Variants in GABRG3 observed in about 807,000 individuals in gnomAD.
GABRG3 encodes the protein gamma-aminobutyric acid receptor subunit gamma-3.
GABRG3 carries 25 observed loss-of-function variants against 48.8 expected under a neutral mutation model. That is an observed-to-expected ratio of 0.51 (90% CI 0.37 to 0.72). GABRG3 has a LOEUF of 0.72. GABRG3 is among the 30% of genes least tolerant of loss of function. The pLI is 0.00. For missense variants in GABRG3, 394 were observed against 577.9 expected, an observed-to-expected ratio of 0.68 and a Z score of 3.26; for synonymous variants, 227 against 217.6, an observed-to-expected ratio of 1.04 and a Z score of -0.38.
At position 27,532,605 on chromosome 15, in the gene GABRG3, T is replaced by C. The variant is rs16950126; in HGVS notation, c.1128T>C (p.Tyr376=). The C allele has an allele frequency of 9.6e-3, 15,522 of 1,613,458 alleles. 1,180 individuals are homozygous for C. In the African/African-American group the frequency reaches 0.17, roughly 18 times the overall value. ...GTCATTTTTGTTGCTTGCAGAACTA[T>C]TCCCTCCTGGACATGAGGCCACCAC... is the stretch of plus-strand genomic sequence containing the variant. ...ERISLQAPSN[Y]SLLDMRPPPT... Residue 376 remains tyrosine, a synonymous_variant, in exon 10 of 10, where the codon TAT becomes TAC. Coordinates refer to ENST00000615808, the MANE Select transcript of GABRG3 (RefSeq NM_033223.5).
At chr15:27,465,590 G>T (rs8037954) in intron 5 of GABRG3, among the ~76,000 whole-genome samples, 2,518 of 152,260 alleles carry the variant, frequency 0.017, 80 homozygotes, top group African/African-American at 0.058. Context: ...GTGACCATAG[G>T]CAGATTCTTT....
rs1050440722 is a variant in GABRG3 at position 27,457,037 on chromosome 15, G to A, written c.575-23613G>A. Among the ~76,000 whole-genome samples the A allele has an allele frequency of 3.9e-5, 6 of 152,236 alleles. No homozygotes were observed. Among genetic ancestry groups the A allele is most frequent in the African/African-American group, 1.4e-4 (6 of 41,474 alleles). On this transcript the variant is annotated intron_variant, in intron 5 of 9. Coordinates refer to ENST00000615808, the MANE Select transcript of GABRG3 (RefSeq NM_033223.5). This position sits in a 1 kb window ranked among gnomAD's most constrained non-coding sequence, Gnocchi z 4.4. ...GCCGACCTCAGAAGGACCTGTGACA[G>A]CAGGGGTGTGGAAGTAGAAGGAGCT...
At chr15:27,296,211 A>C (rs1170436130) in intron 3 of GABRG3, among the ~76,000 whole-genome samples, 2 of 152,216 alleles carry the variant, frequency 1.3e-5, no homozygotes, top group Non-Finnish European at 2.9e-5. Flanking sequence ...CACATGAAAA[A>C]GGCAAAGGCA....
rs1891584838 is a variant in GABRG3 at position 27,537,857 on chromosome 15, G to A, written c.*4976G>A. Reference sequence around the variant, plus strand: ...ATTTATTTATTTATTTATTTATTTTGAGATGAAGTTTTACTCTTGTTGCCC... The same window carrying A: ...ATTTATTTATTTATTTATTTATTTTAAGATGAAGTTTTACTCTTGTTGCCC... On this transcript the variant is annotated 3_prime_UTR_variant, in exon 10 of 10. Transcript: ENST00000615808. 2.7e-5 allele frequency: 4 copies of A among 145,714 alleles called. No homozygotes were observed. Among genetic ancestry groups the A allele is most frequent in the Admixed American group, 2.7e-4 (4 of 14,676 alleles). The allele number at this position is 145,714 out of a possible 1,614,324, so 9.0% of individuals were successfully genotyped here.
intron 5 of GABRG3, among the ~76,000 whole-genome samples, chr15:27,431,800 G>A (rs897281693): frequency 2.0e-5 from 3 of 152,166 alleles, no homozygotes; most frequent in Admixed American, 2.0e-4. Flanking sequence ...TCTATTAAGA[G>A]TGTATTATAG....
chr15:27,406,159 G>T (rs1461321758), intron 5 of GABRG3, among the ~76,000 whole-genome samples: 4 of 152,022 alleles, frequency 2.6e-5, no homozygotes, highest in Non-Finnish European at 5.9e-5. Context: ...TTGAAATTTA[G>T]CCCCCAAAAT....
chr15:27,044,048 A>G (rs1896323149), intron 3 of GABRG3, among the ~76,000 whole-genome samples: 1 of 152,224 alleles, frequency 6.6e-6, no homozygotes, highest in Non-Finnish European at 1.5e-5. Flanking sequence ...TTAGAAGGAA[A>G]GAGGAAGGAA....
intron 5 of GABRG3, chr15:27,364,875 C>T (rs572660021): frequency 6.6e-6 from 1 of 152,318 alleles, no homozygotes; most frequent in South Asian, 2.1e-4. Context: ...CATGGTATTG[C>T]TACTTATCTC....
At chr15:26,978,501 TA>T (rs1296076491) in intron 2 of GABRG3, among the ~76,000 whole-genome samples, 10 of 152,194 alleles carry the variant, frequency 6.6e-5, no homozygotes, top group African/African-American at 2.2e-4. Flanking sequence ...TTATATAAAA[TA>T]AATATGTAAG....
At chr15:27,210,215 G>GCC (rs904707216) in intron 3 of GABRG3, among the ~76,000 whole-genome samples, 1 of 152,122 alleles carries the variant, frequency 6.6e-6, no homozygotes, top group African/African-American at 2.4e-5. Context: ...AGAGAAAAGG[G>GCC]CCCCCATTCC....
chr15:27,380,660 G>T (rs1895737961), intron 5 of GABRG3, among the ~76,000 whole-genome samples: 1 of 150,888 alleles, frequency 6.6e-6, no homozygotes, highest in South Asian at 2.1e-4. Context: ...CTAGAGAGTT[G>T]TTCTTAATAA....
Position 27,532,767 on chromosome 15 carries a change from G to A in GABRG3, c.1290G>A (p.Arg430=), listed in dbSNP as rs1378873272. 6.2e-6 allele frequency: 10 copies of A among 1,613,992 alleles called. No individual in the cohort carries two copies. Among genetic ancestry groups the A allele is most frequent in the Non-Finnish European group, 6.8e-6 (8 of 1,179,888 alleles). The part of the protein sequence containing the change: ...CYEECKSGSW[R]KGRIHIDILE... The stretch of plus-strand genomic sequence containing the variant: ...AAGAATGTAAATCAGGATCCTGGAG[G>A]AAAGGGCGTATTCACATAGACATCT... Residue 430 remains arginine, a synonymous_variant, in exon 10 of 10, where the codon AGG becomes AGA. Coordinates refer to ENST00000615808, the MANE Select transcript of GABRG3 (RefSeq NM_033223.5).
Position 26,974,506 on chromosome 15 carries a change from AGAGGGGAGGAGAACGG to A in GABRG3, c.54-2486_54-2471del, listed in dbSNP as rs2140631285. On this transcript the variant is annotated intron_variant, in intron 1 of 9. Transcript: ENST00000615808. The surrounding 1 kb of genome is among the most constrained non-coding windows in gnomAD (Gnocchi z 4.3). ...CTGGCTCTGTAGTGGTGGGGGTAGG[AGAGGGGAGGAGAACGG>A]GAGGGGAGGGGAAGAAGAGTGAGGC... 6.6e-6 allele frequency among the ~76,000 whole-genome samples: 1 copy of A among 151,664 alleles called. No individual in the cohort carries two copies. The highest frequency in any genetic ancestry group is 1.9e-4 in the East Asian group (1 of 5,130).
At chr15:27,388,159 A>AAAGGAGGGAGGGAGGGT (rs1566817778) in intron 5 of GABRG3, among the ~76,000 whole-genome samples, 1 of 15,698 alleles carries the variant, frequency 6.4e-5, no homozygotes, top group African/African-American at 3.1e-4. Context: ...AGGAAGGAAG[A>AAAGGAGGGAGGGAGGGT]AAGGAAGGAA....
chr15:27,302,869 A>T (rs1261662871), intron 3 of GABRG3, among the ~76,000 whole-genome samples: 1 of 151,974 alleles, frequency 6.6e-6, no homozygotes, highest in African/African-American at 2.4e-5. Flanking sequence ...ACATACCTTT[A>T]AATATGCCGT....
chr15:27,175,407 C>T (rs755429654), intron 3 of GABRG3, among the ~76,000 whole-genome samples: 11 of 152,186 alleles, frequency 7.2e-5, no homozygotes, highest in Admixed American at 1.3e-4. Context: ...CCAGTATTTG[C>T]GGGAGCAGGG....
intron 7 of GABRG3, among the ~76,000 whole-genome samples, chr15:27,523,908 T>C (rs1891215630): frequency 6.6e-6 from 1 of 151,910 alleles, no homozygotes; most frequent in South Asian, 2.1e-4. Flanking sequence ...AGGGAAATGA[T>C]CCAACATTTG....
intron 3 of GABRG3, among the ~76,000 whole-genome samples, chr15:27,286,188 C>T (rs1047530844): frequency 7.9e-5 from 12 of 152,262 alleles, no homozygotes; most frequent in South Asian, 6.2e-4. Flanking sequence ...CTGATATGTA[C>T]GGATATGTAC....
chr15:27,094,346 C>G (rs1422799058), intron 3 of GABRG3, among the ~76,000 whole-genome samples: 1 of 152,212 alleles, frequency 6.6e-6, no homozygotes, highest in Non-Finnish European at 1.5e-5. Flanking sequence ...TGAGGACTAT[C>G]AGGCTCTGCA....
Sources: gnomAD v4.1 joint callset for allele counts (sites outside exome capture counted in the v4.1 genomes callset) on GRCh38, gnomAD v4.1.1 for gene constraint, Gnocchi (gnomAD v3.1) non-coding constraint, MANE v1.5 for transcripts, NCBI Gene and HGNC (gene_info 2026-07-23, HGNC 2026-07-21) for gene names.